EYA2: variants seen among roughly 807,000 people sequenced by gnomAD.
EYA2 encodes the protein EYA transcriptional coactivator and phosphatase 2, also known as protein phosphatase EYA2.
A neutral mutation model predicts 69.2 loss-of-function variants in EYA2; 31 were observed. That is an observed-to-expected ratio of 0.45 (90% CI 0.34 to 0.60). The LOEUF (loss-of-function observed/expected upper bound fraction) is 0.60, where lower values mean the gene tolerates loss of function less well. Among genes scored for constraint, EYA2 ranks in the 20% least tolerant of loss-of-function variants. EYA2 has a pLI of 0.02. For missense variants in EYA2, 622 were observed against 701.2 expected (o/e 0.89, Z 1.28); for synonymous variants, 257 against 279.4 (o/e 0.92, Z 0.80).
rs542381886 is a variant in EYA2 at position 46,933,737 on chromosome 20, C to T, written c.-11+38750C>T. On this transcript the variant is annotated intron_variant, in intron 1 of 15. Coordinates refer to ENST00000327619, the MANE Select transcript of EYA2 (RefSeq NM_005244.5). The stretch of plus-strand genomic sequence containing the variant: ...TGTCTTGCAGCACCCCACGCAGGAT[C>T]CTAGGGCCTTCCGTCAAGATTTGGG... Among the ~76,000 whole-genome samples the T allele has an allele frequency of 1.8e-4, 27 of 152,332 alleles. No homozygotes were observed. The South Asian group carries it at 5.6e-3, about 32-fold the overall frequency.
chr20:47,045,755 A>T (rs1568743170), intron 5 of EYA2, among the ~76,000 whole-genome samples: 1 of 152,172 alleles, frequency 6.6e-6, no homozygotes, highest in East Asian at 1.9e-4. Context: ...TTTCAGCATC[A>T]ATGGTATATG....
intron 7 of EYA2, among the ~76,000 whole-genome samples, chr20:47,086,635 T>A (rs1164783133): frequency 6.6e-6 from 1 of 152,132 alleles, no homozygotes; most frequent in African/African-American, 2.4e-5. Flanking sequence ...AAACCATTCA[T>A]GAGAACTCCA....
At chr20:47,072,159 T>C (rs772941138) in intron 5 of EYA2, 26 bp from the exon 6 acceptor site, 1 of 1,604,558 alleles carries the variant, frequency 6.2e-7, no homozygotes, top group Admixed American at 1.7e-5. Flanking sequence ...AACCCTAACC[T>C]GTACCCCTGT....
intron 1 of EYA2, chr20:46,978,387 C>G (rs568417119): frequency 4.3e-5 from 15 of 349,766 alleles, no homozygotes; most frequent in East Asian, 7.5e-5. Flanking sequence ...ATCGCTTACT[C>G]AGGGAGAGCC....
chr20:47,160,356 A>G (rs1224832070), intron 10 of EYA2, among the ~76,000 whole-genome samples: 1 of 152,202 alleles, frequency 6.6e-6, no homozygotes, highest in Non-Finnish European at 1.5e-5. Context: ...ACAGGATGTA[A>G]TTGCATGAAC....
Position 47,021,575 on chromosome 20 carries a change from C to T in EYA2, c.415+5278C>T, listed in dbSNP as rs368573509. Among the ~76,000 whole-genome samples the T allele has an allele frequency of 8.1e-5, 12 of 148,984 alleles. No homozygotes were observed. The East Asian group carries it at 1.6e-3, about 20-fold the overall frequency. ...CCGGGTAGTGGAGGTTGCAGTGAGC[C>T]GAGATCACGCCACTGCACTCCAGTC... On this transcript the variant is annotated intron_variant, in intron 5 of 15. Coordinates refer to ENST00000327619, the MANE Select transcript of EYA2 (RefSeq NM_005244.5).
chr20:47,055,465 T>G (rs1005554210), intron 5 of EYA2, among the ~76,000 whole-genome samples: 41 of 152,192 alleles, frequency 2.7e-4, no homozygotes, highest in African/African-American at 8.9e-4. Flanking sequence ...TAAAAGCCTT[T>G]GTCTCTGGAG....
intron 5 of EYA2, among the ~76,000 whole-genome samples, chr20:47,023,043 TAA>T (rs796506096): frequency 2.7e-5 from 4 of 148,050 alleles, no homozygotes; most frequent in Non-Finnish European, 6.0e-5. Flanking sequence ...CCTTTTGTAA[TAA>T]AAAAAAAAGA....
rs1288143430 is a variant in EYA2, at chr20:47,004,904, C to T, written c.156-38C>T. ...AAGATAAGGAAGAAGGGGTGCCAGACTGGGCCTGGAGATTTAATCTTCCCT... is the reference window on the plus strand; with the variant it reads ...AAGATAAGGAAGAAGGGGTGCCAGATTGGGCCTGGAGATTTAATCTTCCCT... On this transcript the variant is annotated intron_variant, in intron 3 of 15. Transcript: ENST00000327619. 3 of 1,614,078 alleles carry T rather than the reference C, an allele frequency of 1.9e-6. No homozygotes were observed. In the South Asian group the frequency reaches 3.3e-5, roughly 18 times the overall value.
intron 2 of EYA2, among the ~76,000 whole-genome samples, 156 bp from the exon 3 acceptor site, chr20:47,001,256 CAAGAAGAAGAGTGCTG>C (rs922884232): frequency 2.0e-5 from 3 of 152,050 alleles, no homozygotes; most frequent in Non-Finnish European, 4.4e-5. Context: ...CCGAACTCCT[CAAGAAGAAGAGTGCTG>C]AGATGTGGCG....
At chr20:47,072,117 T>C in intron 5 of EYA2, 68 bp from the exon 6 acceptor site, 2 of 1,436,556 alleles carry the variant, frequency 1.4e-6, no homozygotes, top group Non-Finnish European at 2.0e-6. Flanking sequence ...CATGAAATGC[T>C]AACAACTGCT....
chr20:47,151,018 G>A (rs1211723404), intron 10 of EYA2, among the ~76,000 whole-genome samples: 5 of 151,998 alleles, frequency 3.3e-5, no homozygotes, highest in African/African-American at 7.2e-5. Flanking sequence ...ACCTTTCCTC[G>A]GTTTTCATCA....
chr20:47,181,901 T>G (rs2034544801), intron 14 of EYA2, among the ~76,000 whole-genome samples: 1 of 152,136 alleles, frequency 6.6e-6, no homozygotes, highest in African/African-American at 2.4e-5. Context: ...ATTTTTCCCA[T>G]TTTTCCTGCA....
At chr20:47,134,882 C>T (rs2033423685) in intron 9 of EYA2, among the ~76,000 whole-genome samples, 1 of 151,994 alleles carries the variant, frequency 6.6e-6, no homozygotes, top group Non-Finnish European at 1.5e-5. Context: ...AATCCCAGCA[C>T]TTTGGGAGGC....
At chr20:47,044,952 G>A (rs956950608) in intron 5 of EYA2, among the ~76,000 whole-genome samples, 3 of 152,150 alleles carry the variant, frequency 2.0e-5, no homozygotes, top group Non-Finnish European at 1.5e-5. Flanking sequence ...TTACATCATT[G>A]CAATTGTGGT....
At chr20:46,917,531 G>C (rs1250994021) in intron 1 of EYA2, among the ~76,000 whole-genome samples, 1 of 152,204 alleles carries the variant, frequency 6.6e-6, no homozygotes, top group African/African-American at 2.4e-5. Context: ...AAAGCGAAGT[G>C]GATGTGAAGA....
intron 8 of EYA2, among the ~76,000 whole-genome samples, chr20:47,091,334 A>G (rs531227148): frequency 5.9e-5 from 9 of 152,284 alleles, no homozygotes; most frequent in Middle Eastern, 6.8e-3. Flanking sequence ...AGTCGTCACT[A>G]AAAGTCCAGC....
chr20:46,900,962 G>T (rs1464178902), intron 1 of EYA2, among the ~76,000 whole-genome samples: 1 of 152,158 alleles, frequency 6.6e-6, no homozygotes, highest in African/African-American at 2.4e-5. Context: ...CCCTATGAAG[G>T]TCACCAAACA....
At chr20:47,029,486 A>G (rs184938105) in intron 5 of EYA2, among the ~76,000 whole-genome samples, 4 of 152,232 alleles carry the variant, frequency 2.6e-5, no homozygotes, top group Admixed American at 2.0e-4. Flanking sequence ...TGGGGTTGAC[A>G]TAACTGTATC....
Sources: allele counts gnomAD v4.1 joint callset (sites outside exome capture counted in the v4.1 genomes callset), GRCh38; gene constraint gnomAD v4.1.1; transcripts MANE v1.5; gene names NCBI Gene and HGNC (gene_info 2026-07-23, HGNC 2026-07-21).